The following SPMIP7 variants were observed in gnomAD, a reference collection of about 807,000 sequenced individuals.
SPMIP7 encodes sperm microtubule inner protein 7.
chr7:50,096,788 G>C, the SPMIP7 span: 1 of 661,018 alleles, frequency 1.5e-6, no homozygotes, highest in South Asian at 3.7e-5. Flanking sequence ...AAGAAACAAA[G>C]GAATGATAAA....
chr7:50,154,218 T>A, the SPMIP7 span, among the ~76,000 whole-genome samples: 1 of 152,172 alleles, frequency 6.6e-6, no homozygotes. Context: ...ATCGCCATAG[T>A]TACCCATTTT....
At chr7:50,105,661 C>T in the SPMIP7 span, among the ~76,000 whole-genome samples, 7 of 152,118 alleles carry the variant, frequency 4.6e-5, no homozygotes, top group Admixed American at 2.6e-4. Context: ...CATGGTAGGA[C>T]TTTATGTTTT....
At chr7:50,156,455 G>A in the SPMIP7 span, among the ~76,000 whole-genome samples, 1 of 151,902 alleles carries the variant, frequency 6.6e-6, no homozygotes, top group Non-Finnish European at 1.5e-5. Context: ...CTGCTTCTCT[G>A]CAATAGGTTC....
At chr7:50,119,706 A>G in the SPMIP7 span, among the ~76,000 whole-genome samples, 1 of 152,174 alleles carries the variant, frequency 6.6e-6, no homozygotes, top group East Asian at 1.9e-4. Flanking sequence ...CCAGTTAATA[A>G]CAGAATGGCT....
chr7:50,109,595 G>A, the SPMIP7 span, among the ~76,000 whole-genome samples: 5 of 152,152 alleles, frequency 3.3e-5, no homozygotes, highest in East Asian at 9.7e-4. Context: ...GGTTGTTCTC[G>A]AACTCCTGAC....
the SPMIP7 span, among the ~76,000 whole-genome samples, chr7:50,106,576 C>T: frequency 9.2e-5 from 14 of 152,242 alleles, no homozygotes; most frequent in Admixed American, 7.2e-4. Flanking sequence ...TCTTATTAAA[C>T]CTCAAAGTAT....
chr7:50,147,701 T>C, the SPMIP7 span, among the ~76,000 whole-genome samples: 2 of 152,248 alleles, frequency 1.3e-5, no homozygotes, highest in East Asian at 1.9e-4. Flanking sequence ...ACTAAACTTC[T>C]TGATTTTCTT....
the SPMIP7 span, among the ~76,000 whole-genome samples, chr7:50,104,911 A>G: frequency 1.3e-5 from 2 of 152,148 alleles, no homozygotes; most frequent in African/African-American, 4.8e-5. Context: ...CATTCCCACA[A>G]TATATCACTG....
the SPMIP7 span, among the ~76,000 whole-genome samples, chr7:50,147,063 C>T: frequency 6.6e-6 from 1 of 152,230 alleles, no homozygotes; most frequent in African/African-American, 2.4e-5. Flanking sequence ...CCTTATGTCG[C>T]ATCCATGGTC....
chr7:50,146,903 C>T, the SPMIP7 span, among the ~76,000 whole-genome samples: 1 of 152,324 alleles, frequency 6.6e-6, no homozygotes. Flanking sequence ...TGCATCACAT[C>T]GCCCCCAGCA....
chr7:50,144,989 C>T, the SPMIP7 span, among the ~76,000 whole-genome samples: 11 of 151,762 alleles, frequency 7.2e-5, no homozygotes, highest in Non-Finnish European at 1.2e-4. Flanking sequence ...AGGCCTGGCA[C>T]GGTGGCTCAC....
chr7:50,117,473 A>T, the SPMIP7 span: 1 of 250,418 alleles, frequency 4.0e-6, no homozygotes, highest in East Asian at 9.7e-5. Context: ...GTCAGCAAAT[A>T]GATTAACACC....
chr7:50,114,541 G>A, the SPMIP7 span, among the ~76,000 whole-genome samples: 3 of 152,012 alleles, frequency 2.0e-5, no homozygotes, highest in East Asian at 1.9e-4. Flanking sequence ...AGCATATGTA[G>A]TAAGTTAATA....
the SPMIP7 span, among the ~76,000 whole-genome samples, chr7:50,132,069 CA>C: frequency 6.6e-6 from 1 of 152,030 alleles, no homozygotes; most frequent in Non-Finnish European, 1.5e-5. Context: ...CCTACTATCC[CA>C]GGGGTGTTAT....
the SPMIP7 span, among the ~76,000 whole-genome samples, chr7:50,108,486 T>C: frequency 6.6e-6 from 1 of 152,146 alleles, no homozygotes; most frequent in Non-Finnish European, 1.5e-5. Flanking sequence ...TATCATGATA[T>C]AGCACACCAA....
the SPMIP7 span, among the ~76,000 whole-genome samples, chr7:50,137,322 ATT>A: frequency 6.6e-6 from 1 of 152,118 alleles, no homozygotes; most frequent in Admixed American, 6.5e-5. Context: ...CAAAATTTAT[ATT>A]TCTGTTTGTA....
the SPMIP7 span, chr7:50,159,183 G>C: frequency 4.3e-5 from 67 of 1,549,850 alleles, no homozygotes; most frequent in Non-Finnish European, 5.5e-5. Context: ...AGGCGGCCCT[G>C]CGCGGGCTGT....
At chr7:50,133,878 A>G in the SPMIP7 span, among the ~76,000 whole-genome samples, 2 of 152,224 alleles carry the variant, frequency 1.3e-5, no homozygotes, top group African/African-American at 4.8e-5. Flanking sequence ...CCTTTACTAC[A>G]TGTGCCAATC....
the SPMIP7 span, among the ~76,000 whole-genome samples, chr7:50,152,119 G>A: frequency 1.3e-5 from 2 of 152,102 alleles, no homozygotes; most frequent in South Asian, 4.1e-4. Context: ...AGGCTGAGGT[G>A]GGCAGATCAC....
Sources: gnomAD v4.1 joint callset for allele counts (sites outside exome capture counted in the v4.1 genomes callset) on GRCh38, gnomAD v4.1.1 for gene constraint, MANE v1.5 for transcripts, NCBI Gene and HGNC (gene_info 2026-07-23, HGNC 2026-07-21) for gene names.